C5orf58: variants seen among roughly 807,000 people sequenced by gnomAD.
C5orf58 encodes the protein putative uncharacterized protein C5orf58.
C5orf58 carries 2 observed loss-of-function variants against 2.9 expected under a neutral mutation model. The observed-to-expected ratio is 0.69, with a 90% confidence interval of 0.28 to 2.18. The LOEUF (loss-of-function observed/expected upper bound fraction) is 2.18, where lower values mean the gene tolerates loss of function less well. Ranked by LOEUF, C5orf58 falls within the 30% of genes most tolerant of loss-of-function variation. The pLI, the probability that C5orf58 is intolerant of heterozygous loss-of-function variation, is 0.13. For missense variants in C5orf58, 96 were observed against 91.7 expected (o/e 1.05, Z -0.19); for synonymous variants, 37 against 33.4 (o/e 1.11, Z -0.37).
intron 3 of C5orf58, among the ~76,000 whole-genome samples, chr5:170,242,511 G>C (rs1761058731): frequency 8.2e-6 from 1 of 122,104 alleles, no homozygotes; most frequent in Non-Finnish European, 1.7e-5. Context: ...TCTTGGGAGA[G>C]TGTATGTGTC....
intron 2 of C5orf58, among the ~76,000 whole-genome samples, 156 bp downstream of exon 2, chr5:170,234,354 G>A (rs572532545): frequency 8.1e-4 from 124 of 152,240 alleles, no homozygotes; most frequent in African/African-American, 2.6e-3. Flanking sequence ...CCACCTCTCT[G>A]TATATTTGTA....
At chr5:170,249,526 A>G (rs1390611876), downstream of C5orf58, among the ~76,000 whole-genome samples, 2 of 151,550 alleles carry the variant, frequency 1.3e-5, no homozygotes, top group African/African-American at 2.4e-5. Context: ...CTGCATCTCT[A>G]TTTCACCCCC....
chr5:170,252,017 G>A, exon 3 of C5orf58: 1 of 197,350 alleles, frequency 5.1e-6, no homozygotes, highest in Non-Finnish European at 1.1e-5. Flanking sequence ...AGGGCAAAAA[G>A]CAAAAAGTTG....
chr5:170,246,170 G>C lies in C5orf58; in HGVS notation c.*57G>C. 7.1e-7 allele frequency: 1 copy of C among 1,416,620 alleles called. No individual in the cohort carries two copies. Among genetic ancestry groups the C allele is most frequent in the South Asian group, 1.3e-5 (1 of 77,488 alleles). The allele number at this position is 1,416,620 out of a possible 1,614,324, so 87.8% of individuals were successfully genotyped here. On this transcript the variant is annotated 3_prime_UTR_variant, in exon 4 of 4. Transcript: ENST00000593851. Reference sequence around the variant, plus strand: ...GTTGAACTAACAAATATTTGGGAGAGTTGAGTTTACTAATTTGTATATATA... The same window carrying C: ...GTTGAACTAACAAATATTTGGGAGACTTGAGTTTACTAATTTGTATATATA...
downstream of C5orf58, chr5:170,246,975 G>C (rs1761313171): frequency 6.6e-6 from 1 of 152,220 alleles, no homozygotes; most frequent in Non-Finnish European, 1.5e-5. Flanking sequence ...CTTAAAATGA[G>C]CTTTGGTTTG....
At chr5:170,250,612 CAT>C (rs1761413954), downstream of C5orf58, 2 of 773,364 alleles carry the variant, frequency 2.6e-6, no homozygotes, top group Non-Finnish European at 4.5e-6. Flanking sequence ...GGGCTTCACT[CAT>C]GTGATTTAAT....
At chr5:170,244,185 G>C (rs1215164718) in intron 3 of C5orf58, among the ~76,000 whole-genome samples, 1 of 147,684 alleles carries the variant, frequency 6.8e-6, no homozygotes, top group African/African-American at 2.5e-5. Flanking sequence ...AGGGTAACCC[G>C]ACCTTTCTCT....
intron 3 of C5orf58, among the ~76,000 whole-genome samples, chr5:170,241,780 G>T (rs1761019590): frequency 6.8e-6 from 1 of 147,936 alleles, no homozygotes; most frequent in Admixed American, 6.7e-5. Flanking sequence ...TCCTTCTCCT[G>T]CCTAATTGCC....
intron 3 of C5orf58, among the ~76,000 whole-genome samples, chr5:170,241,331 G>C (rs199709878): frequency 2.0e-5 from 3 of 148,008 alleles, no homozygotes; most frequent in African/African-American, 5.2e-5. Context: ...TTGGTAGCTT[G>C]ATGGGGATGG....
rs1474808185 is a variant in C5orf58 at position 170,233,019 on chromosome 5, C to G, written c.-85+12C>G. On this transcript the variant is annotated intron_variant, in intron 1 of 3. Transcript: ENST00000593851. ...TGACGGTTGGCCAGGTGGGTAGTGA[C>G]GGCTGCTCGGTCTTGAAGGATCCTA... 15 of 973,100 alleles carry G rather than the reference C, an allele frequency of 1.5e-5. No homozygotes were observed. The highest frequency in any genetic ancestry group is 1.8e-5 in the Non-Finnish European group (15 of 818,708). 60.3% of individuals were successfully genotyped at this position (973,100 alleles called of 1,614,324 possible). A position where few individuals can be genotyped will look rare whatever the true frequency, so the allele number is the denominator to read the frequency against.
Position 170,246,049 on chromosome 5 carries a change from A to AC in C5orf58, c.187dup (p.Leu63ProfsTer3), listed in dbSNP as rs777764488. 19 of 1,613,220 alleles carry AC rather than the reference A, an allele frequency of 1.2e-5. No individual in the cohort carries two copies. In the African/African-American group the frequency reaches 2.4e-4, roughly 20 times the overall value. The stretch of plus-strand genomic sequence containing the variant: ...AACTTAGCAGAAGCAGAAAGAAACA[A>AC]CCCCCTCTTTGAAGAGTCTAAAATA... On this transcript the variant is annotated frameshift_variant, in exon 4 of 4. Transcript: ENST00000593851. LOFTEE classifies it low-confidence loss of function (END_TRUNC).
In C5orf58 at chr5:170,234,124, A is replaced by G. The variant is rs1235396397; in HGVS notation, c.-75A>G. ...TGGGAAACAAAATTAGTTTTTTTAC[A>G]GTGGCTCTGAAATGAGAGAAATTGC... is the stretch of plus-strand genomic sequence containing the variant. On this transcript the variant is annotated 5_prime_UTR_variant, in exon 2 of 4. Coordinates refer to ENST00000593851, the MANE Select transcript of C5orf58 (RefSeq NM_001102609.3). 7.3e-7 allele frequency: 1 copy of G among 1,367,414 alleles called. No homozygotes were observed. Among genetic ancestry groups the G allele is most frequent in the Non-Finnish European group, 9.8e-7 (1 of 1,021,586 alleles). 84.7% of individuals were successfully genotyped at this position (1,367,414 alleles called of 1,614,324 possible). A position where few individuals can be genotyped will look rare whatever the true frequency, so the allele number is the denominator to read the frequency against.
chr5:170,251,067 T>A (rs931527663), downstream of C5orf58: 4 of 550,666 alleles, frequency 7.3e-6, no homozygotes, highest in Admixed American at 1.3e-4. Flanking sequence ...ATATCCCATG[T>A]GTCATGAGTT....
At chr5:170,245,854 CTA>C (rs1761259256) in intron 3 of C5orf58, 106 bp from the exon 4 acceptor site, 2 of 1,124,344 alleles carry the variant, frequency 1.8e-6, no homozygotes, top group East Asian at 4.7e-5. Context: ...GGTTTGATCA[CTA>C]ATCACTTGGA....
downstream of C5orf58, chr5:170,246,713 A>G (rs903609309): frequency 2.6e-5 from 4 of 152,552 alleles, no homozygotes; most frequent in South Asian, 4.1e-4. Context: ...AACATTCCAG[A>G]GAGTGACCCT....
At chr5:170,246,563 CGTT>C (rs1761300961), downstream of C5orf58, 1 of 155,826 alleles carries the variant, frequency 6.4e-6, no homozygotes, top group East Asian at 1.9e-4. Flanking sequence ...GTGTTGGCCT[CGTT>C]GTCTTCTATT....
intron 3 of C5orf58, chr5:170,237,418 T>C (rs2113093965): frequency 5.0e-6 from 2 of 396,986 alleles, no homozygotes; most frequent in Non-Finnish European, 8.9e-6. Context: ...GAGATTTAAC[T>C]TTTTCAAGGT....
At chr5:170,248,627 G>T, downstream of C5orf58, 1 of 1,578,628 alleles carries the variant, frequency 6.3e-7, no homozygotes, top group African/African-American at 1.4e-5. Context: ...TTTGTCCATT[G>T]ACCAAGGCTG....
At chr5:170,249,831 T>G (rs115409619), downstream of C5orf58, among the ~76,000 whole-genome samples, 1 of 152,196 alleles carries the variant, frequency 6.6e-6, no homozygotes, top group African/African-American at 2.4e-5. Flanking sequence ...AAGACTAATC[T>G]GCTAGGTGCC....
Sources: allele counts gnomAD v4.1 joint callset (sites outside exome capture counted in the v4.1 genomes callset), GRCh38; gene constraint gnomAD v4.1.1; transcripts MANE v1.5; gene names NCBI Gene and HGNC (gene_info 2026-07-23, HGNC 2026-07-21).